The following MAN2A1 variants were observed in gnomAD, a reference collection of about 807,000 sequenced individuals.
MAN2A1 encodes the protein alpha-mannosidase 2.
A neutral mutation model predicts 142.6 loss-of-function variants in MAN2A1; 76 were observed. The ratio of observed to expected loss-of-function variants is 0.53; its 90% CI spans 0.44 to 0.65. MAN2A1 has a LOEUF of 0.65. MAN2A1 is among the 30% of genes least tolerant of loss of function. The pLI, the probability that MAN2A1 is intolerant of heterozygous loss-of-function variation, is 0.00. For synonymous variants in MAN2A1, 559 were observed against 473.2 expected (o/e 1.18, Z -2.35); for missense variants, 1,311 against 1,365.1 (o/e 0.96, Z 0.62).
At chr5:109,794,860 GTC>G (rs1753821230) in intron 12 of MAN2A1, among the ~76,000 whole-genome samples, 1 of 151,922 alleles carries the variant, frequency 6.6e-6, no homozygotes, top group African/African-American at 2.4e-5. Context: ...CCTATGTTCT[GTC>G]TCTGTTATGT....
chr5:109,694,534 G>A (rs1750757981), intron 1 of MAN2A1, among the ~76,000 whole-genome samples: 3 of 152,076 alleles, frequency 2.0e-5, no homozygotes, highest in Non-Finnish European at 4.4e-5. Flanking sequence ...TTATTTTGTG[G>A]AGACGGGGTC....
intron 1 of MAN2A1, among the ~76,000 whole-genome samples, chr5:109,713,303 G>A (rs1231675838): frequency 6.6e-6 from 1 of 152,110 alleles, no homozygotes; most frequent in Non-Finnish European, 1.5e-5. Context: ...ATATGATTAA[G>A]CAAAGATTGC....
chr5:109,856,275 C>G (rs1000567453), intron 20 of MAN2A1, among the ~76,000 whole-genome samples: 1 of 152,080 alleles, frequency 6.6e-6, no homozygotes. Context: ...CATGCTATAC[C>G]TGTCACTTGG....
intron 12 of MAN2A1, among the ~76,000 whole-genome samples, chr5:109,811,900 G>T (rs561674687): frequency 6.4e-4 from 98 of 152,134 alleles, no homozygotes; most frequent in African/African-American, 2.2e-3. Context: ...CAGAATTCTT[G>T]TTTCAAGATA....
intron 9 of MAN2A1, among the ~76,000 whole-genome samples, chr5:109,782,303 A>T (rs1753481094): frequency 6.6e-6 from 1 of 152,232 alleles, no homozygotes; most frequent in South Asian, 2.1e-4. Context: ...CTATAGTGAT[A>T]GGTTCTATTT....
At chr5:109,775,346 T>G (rs1490066154) in intron 8 of MAN2A1, among the ~76,000 whole-genome samples, 1 of 152,198 alleles carries the variant, frequency 6.6e-6, no homozygotes, top group Non-Finnish European at 1.5e-5. Flanking sequence ...TGTGATTTAG[T>G]AGCATGACTG....
Position 109,855,182 on chromosome 5 carries a change from C to A in MAN2A1, c.3019C>A (p.His1007Asn). The change falls in exon 20 of 22, where the codon CAC becomes AAC. Residue 1007 changes from histidine (H) to asparagine (N), a missense_variant. Coordinates refer to ENST00000261483, the MANE Select transcript of MAN2A1 (RefSeq NM_002372.4). Reference sequence around the variant, plus strand: ...GGTCAGTTATCCTTCTCTCCTTAGCCACATAACTTCTTCTCTCATGAATCA... The same window carrying A: ...GGTCAGTTATCCTTCTCTCCTTAGCAACATAACTTCTTCTCTCATGAATCA... ...KSVSYPSLLS[H>N]ITSSLMNHPV... 1 of 1,596,464 alleles carries A rather than the reference C, an allele frequency of 6.3e-7. No individual in the cohort carries two copies. Among genetic ancestry groups the A allele is most frequent in the South Asian group, 1.2e-5 (1 of 86,696 alleles).
At chr5:109,811,665 T>A (rs1266239933) in intron 12 of MAN2A1, among the ~76,000 whole-genome samples, 1 of 151,934 alleles carries the variant, frequency 6.6e-6, no homozygotes, top group Non-Finnish European at 1.5e-5. Context: ...ATTACATACC[T>A]TTGTCTTATT....
intron 4 of MAN2A1, among the ~76,000 whole-genome samples, chr5:109,748,142 T>G (rs1175429586): frequency 6.6e-6 from 1 of 152,196 alleles, no homozygotes; most frequent in East Asian, 1.9e-4. Flanking sequence ...CAATATTTTC[T>G]GACTTATTTT....
intron 16 of MAN2A1, among the ~76,000 whole-genome samples, chr5:109,826,255 C>T (rs1314201920): frequency 6.6e-6 from 1 of 151,890 alleles, no homozygotes; most frequent in Non-Finnish European, 1.5e-5. Context: ...GTCTTCTCTT[C>T]CTTGGTGTTC....
At chr5:109,804,192 G>T (rs1754104389) in intron 12 of MAN2A1, 1 of 987,200 alleles carries the variant, frequency 1.0e-6, no homozygotes, top group East Asian at 1.1e-4. Flanking sequence ...CAAGGAAAAG[G>T]ATTTTAGTGA....
At chr5:109,760,066 C>G (rs1048177174) in intron 5 of MAN2A1, among the ~76,000 whole-genome samples, 1 of 151,906 alleles carries the variant, frequency 6.6e-6, no homozygotes, top group African/African-American at 2.4e-5. Context: ...TTACAACATG[C>G]CATAGTGGTT....
At chr5:109,809,885 G>T (rs1360283578) in intron 12 of MAN2A1, among the ~76,000 whole-genome samples, 1 of 152,012 alleles carries the variant, frequency 6.6e-6, no homozygotes, top group Non-Finnish European at 1.5e-5. Flanking sequence ...TGAGTTCCCT[G>T]TGTCCCTAAC....
At chr5:109,760,803 C>T (rs189699413) in intron 5 of MAN2A1, among the ~76,000 whole-genome samples, 18 of 152,062 alleles carry the variant, frequency 1.2e-4, no homozygotes, top group Admixed American at 2.0e-4. Flanking sequence ...TCATATCTTT[C>T]GCCCACTTTT....
chr5:109,729,599 A>G, intron 4 of MAN2A1, 86 bp downstream of exon 4: 1 of 697,572 alleles, frequency 1.4e-6, no homozygotes, highest in Non-Finnish European at 2.2e-6. Context: ...GATGGTGAAA[A>G]TTCTTAGCTT....
At chr5:109,817,520 C>T in intron 13 of MAN2A1, 82 bp downstream of exon 13, 3 of 1,330,518 alleles carry the variant, frequency 2.3e-6, no homozygotes, top group Non-Finnish European at 3.2e-6. Flanking sequence ...CAGTAGCCCC[C>T]ATTTAGCCAT....
intron 5 of MAN2A1, among the ~76,000 whole-genome samples, chr5:109,764,123 T>G (rs944565474): frequency 6.6e-6 from 1 of 152,150 alleles, no homozygotes; most frequent in Non-Finnish European, 1.5e-5. Context: ...TTTGAGCTTT[T>G]AAAGTTGTCT....
In MAN2A1 at chr5:109,690,451, A is replaced by G. The variant is rs866628315; in HGVS notation, c.34A>G (p.Ser12Gly). ...KLSRQFTVFG[S>G]AIFCVVIFSL... Reference sequence around the variant, plus strand: ...AAGCCGCCAGTTCACCGTGTTCGGCAGTGCGATCTTCTGTGTGGTGATTTT... The same window carrying G: ...AAGCCGCCAGTTCACCGTGTTCGGCGGTGCGATCTTCTGTGTGGTGATTTT... Residue 12 changes from serine to glycine, a missense_variant, in exon 1 of 22, where the codon AGT becomes GGT. This residue lies in a region of MAN2A1 where 409 missense variants were observed against 412.7 expected (regional missense o/e 0.99). Transcript: ENST00000261483. 1 of 1,614,054 alleles carries G rather than the reference A, an allele frequency of 6.2e-7. No homozygotes were observed.
chr5:109,810,597 A>G (rs1248298097), intron 12 of MAN2A1, among the ~76,000 whole-genome samples: 1 of 152,208 alleles, frequency 6.6e-6, no homozygotes, highest in African/African-American at 2.4e-5. Context: ...CAAAGTCTCC[A>G]CAAAATGCTC....
Sources: gnomAD v4.1 joint callset for allele counts (sites outside exome capture counted in the v4.1 genomes callset) on GRCh38, gnomAD v4.1.1 for gene constraint, gnomAD v4.1.1 regional missense constraint, MANE v1.5 for transcripts, NCBI Gene and HGNC (gene_info 2026-07-23, HGNC 2026-07-21) for gene names.